The following C2CD2 variants were observed in gnomAD, a reference collection of about 807,000 sequenced individuals.
C2CD2 encodes the protein C2 calcium dependent domain containing 2.
Under a neutral mutation model 74.3 loss-of-function variants are expected in C2CD2, and 43 were observed. That is an observed-to-expected ratio of 0.58 (90% CI 0.45 to 0.75). The LOEUF (loss-of-function observed/expected upper bound fraction) is 0.75. C2CD2 is among the 30% of genes least tolerant of loss of function. The pLI, the probability that C2CD2 is intolerant of heterozygous loss-of-function variation, is 0.00. For missense variants in C2CD2, 801 were observed against 916.3 expected (o/e 0.87, Z 1.63); for synonymous variants, 422 against 390.7 (o/e 1.08, Z -0.94).
intron 12 of C2CD2, chr21:41,901,283 T>G: frequency 2.8e-6 from 1 of 354,252 alleles, no homozygotes. Flanking sequence ...AAGTTCCCCG[T>G]GACTGGGTGG....
chr21:41,918,041 A>G, intron 5 of C2CD2, 64 bp downstream of exon 5: 2 of 1,597,268 alleles, frequency 1.3e-6, no homozygotes. Flanking sequence ...CAGATTCTCC[A>G]AGAGAGGTGG....
chr21:41,896,899 T>C (rs1222264644), intron 13 of C2CD2, among the ~76,000 whole-genome samples: 1 of 152,172 alleles, frequency 6.6e-6, no homozygotes, highest in Non-Finnish European at 1.5e-5. Flanking sequence ...AGGAAACATT[T>C]AAAACTGCTG....
At chr21:41,925,193 G>T (rs937347460) in intron 2 of C2CD2, among the ~76,000 whole-genome samples, 1 of 152,110 alleles carries the variant, frequency 6.6e-6, no homozygotes, top group Non-Finnish European at 1.5e-5. Context: ...GTTAATTAAA[G>T]AAACAATTTA....
rs1265047620 is a variant in C2CD2, at chr21:41,953,475, C to T, written c.174G>A (p.Pro58=). The T allele has an allele frequency of 1.3e-6, 2 of 1,482,348 alleles. No individual in the cohort carries two copies. Among genetic ancestry groups the T allele is most frequent in the South Asian group, 1.3e-5 (1 of 76,308 alleles). The allele number at this position is 1,482,348 out of a possible 1,614,324, so 91.8% of individuals were successfully genotyped here. ...RAVEPGEGPR[P]GSDALLSWIL... Reference sequence around the variant, plus strand: ...TCCAGGAGAGCAGCGCGTCGGACCCCGGGCGCGGCCCCTCTCCAGGCTCCA... The same window carrying T: ...TCCAGGAGAGCAGCGCGTCGGACCCTGGGCGCGGCCCCTCTCCAGGCTCCA... The change falls in exon 1 of 14, where the codon CCG becomes CCA. Residue 58 remains proline, a synonymous_variant. Transcript: ENST00000380486.
Position 41,929,564 on chromosome 21 carries a change from AG to A in C2CD2, c.379-7480del, listed in dbSNP as rs2065245742. 6.6e-6 allele frequency among the ~76,000 whole-genome samples: 1 copy of A among 152,202 alleles called. No individual in the cohort carries two copies. Among genetic ancestry groups the A allele is most frequent in the Non-Finnish European group, 1.5e-5 (1 of 68,028 alleles). ...TGGCTTCTGAGATGGGCCTTTCCCC[AG>A]ACTAGGTGGGTTATAACTTTTATTT... On this transcript the variant is annotated intron_variant, in intron 2 of 13. Coordinates refer to ENST00000380486, the MANE Select transcript of C2CD2 (RefSeq NM_015500.2). This position sits in a 1 kb window ranked among gnomAD's most constrained non-coding sequence, Gnocchi z 4.6.
In C2CD2 at chr21:41,926,396, G is replaced by A. The variant is rs1367458053; in HGVS notation, c.379-4311C>T. The A allele has an allele frequency of 1.1e-5, 11 of 980,208 alleles. No homozygotes were observed. Among genetic ancestry groups the A allele is most frequent in the African/African-American group, 3.5e-5 (2 of 57,124 alleles). The allele number at this position is 980,208 out of a possible 1,614,324, so 60.7% of individuals were successfully genotyped here. On this transcript the variant is annotated intron_variant, in intron 2 of 13. Coordinates refer to ENST00000380486, the MANE Select transcript of C2CD2 (RefSeq NM_015500.2). This position sits in a 1 kb window ranked among gnomAD's most constrained non-coding sequence, Gnocchi z 8.0. Reference sequence around the variant, plus strand: ...TCTCCACATGGAAAGGCCAAGGGGGGACTCACGGTTGGCAGGTGAGGGTTT... The same window carrying A: ...TCTCCACATGGAAAGGCCAAGGGGGAACTCACGGTTGGCAGGTGAGGGTTT...
chr21:41,944,240 C>T (rs899103908), intron 1 of C2CD2, among the ~76,000 whole-genome samples: 7 of 152,150 alleles, frequency 4.6e-5, no homozygotes, highest in African/African-American at 1.4e-4. Context: ...CAGCCGGGTG[C>T]CACGGCTCAC....
chr21:41,918,805 A>G (rs764527474), intron 4 of C2CD2, 51 bp downstream of exon 4: 3 of 1,384,600 alleles, frequency 2.2e-6, no homozygotes, highest in Admixed American at 1.7e-5. Context: ...CTGTCCTAAC[A>G]CACGTGCGTT....
At chr21:41,928,669 T>C (rs1216774513) in intron 2 of C2CD2, among the ~76,000 whole-genome samples, 1 of 151,664 alleles carries the variant, frequency 6.6e-6, no homozygotes, top group Non-Finnish European at 1.5e-5. Context: ...CCCTGAGTTA[T>C]GGACAGAGCA....
chr21:41,914,321 A>AGAT (rs2065062995), intron 6 of C2CD2, among the ~76,000 whole-genome samples: 1 of 151,584 alleles, frequency 6.6e-6, no homozygotes, highest in African/African-American at 2.4e-5. Flanking sequence ...AGGAAAGAAA[A>AGAT]GATAAAAAAG....
chr21:41,893,699 T>TC, intron 13 of C2CD2, among the ~76,000 whole-genome samples: 1 of 57,668 alleles, frequency 1.7e-5, no homozygotes, highest in Non-Finnish European at 3.5e-5. Context: ...GTTAAATTTC[T>TC]TTTTTTTTTT....
chr21:41,940,873 A>G (rs2065348895), intron 2 of C2CD2, among the ~76,000 whole-genome samples: 1 of 152,184 alleles, frequency 6.6e-6, no homozygotes, highest in Admixed American at 6.5e-5. Flanking sequence ...AATATACTGT[A>G]TTTCTCCATG....
At chr21:41,900,627 T>C (rs1330137301) in intron 12 of C2CD2, among the ~76,000 whole-genome samples, 1 of 152,160 alleles carries the variant, frequency 6.6e-6, no homozygotes, top group Non-Finnish European at 1.5e-5. Context: ...TGATGACTCA[T>C]CTCTGGCACC....
Position 41,926,458 on chromosome 21 carries a change from C to T in C2CD2, c.379-4373G>A, listed in dbSNP as rs899696109. On this transcript the variant is annotated intron_variant, in intron 2 of 13. Transcript: ENST00000380486. This position sits in a 1 kb window ranked among gnomAD's most constrained non-coding sequence, Gnocchi z 8.0. The stretch of plus-strand genomic sequence containing the variant: ...CCCTGGGCAGCAGATGGAAGCACCA[C>T]GGGGAGGGGAAAACAAGACTGAAGG... 26 of 950,708 alleles carry T rather than the reference C, an allele frequency of 2.7e-5. No homozygotes were observed. Among genetic ancestry groups the T allele is most frequent in the East Asian group, 2.3e-4 (2 of 8,620 alleles). 58.9% of individuals were successfully genotyped at this position (950,708 alleles called of 1,614,324 possible).
chr21:41,917,276 A>C (rs979159485), intron 5 of C2CD2, among the ~76,000 whole-genome samples: 1 of 152,256 alleles, frequency 6.6e-6, no homozygotes, highest in African/African-American at 2.4e-5. Context: ...CTGCAGACCA[A>C]GGACAGACAT....
intron 2 of C2CD2, among the ~76,000 whole-genome samples, chr21:41,932,048 C>T (rs1346269658): frequency 6.2e-5 from 9 of 144,072 alleles, no homozygotes; most frequent in African/African-American, 2.0e-4. Context: ...AAGCATCCCA[C>T]CACCCCACCT....
At chr21:41,921,890 C>T (rs911395742) in intron 3 of C2CD2, 82 bp downstream of exon 3, 3 of 831,912 alleles carry the variant, frequency 3.6e-6, no homozygotes, top group Non-Finnish European at 6.2e-6. Context: ...CGTTACAGCC[C>T]TCTGACTCAC....
At chr21:41,915,022 G>T (rs920134787) in intron 5 of C2CD2, among the ~76,000 whole-genome samples, 1 of 152,186 alleles carries the variant, frequency 6.6e-6, no homozygotes, top group Non-Finnish European at 1.5e-5. Context: ...TACCACGGGG[G>T]AAGATGGAGC....
chr21:41,919,129 CAT>C (rs747749907), intron 3 of C2CD2, 169 bp from the exon 4 acceptor site: 50 of 622,344 alleles, frequency 8.0e-5, no homozygotes, highest in Admixed American at 1.7e-4. Context: ...CGCATGTGTG[CAT>C]ATGAGCATGT....
Sources: allele counts gnomAD v4.1 joint callset (sites outside exome capture counted in the v4.1 genomes callset), GRCh38; gene constraint gnomAD v4.1.1; non-coding constraint Gnocchi (gnomAD v3.1); transcripts MANE v1.5; gene names NCBI Gene and HGNC (gene_info 2026-07-23, HGNC 2026-07-21).